The following ATRNL1 variants were observed in gnomAD, a reference collection of about 807,000 sequenced individuals.
ATRNL1 encodes attractin-like protein 1.
A neutral mutation model predicts 182.7 loss-of-function variants in ATRNL1; 95 were observed. The observed-to-expected ratio is 0.52, with a 90% CI of 0.44 to 0.62. The LOEUF (loss-of-function observed/expected upper bound fraction) is 0.62, where lower values mean the gene tolerates loss of function less well. Among genes scored for constraint, ATRNL1 ranks in the 20% least tolerant of loss-of-function variants. The pLI is 0.00. For synonymous variants in ATRNL1, 576 were observed against 568.3 expected (o/e 1.01, Z -0.19); for missense variants, 1,471 against 1,679.5 (o/e 0.88, Z 2.17).
chr10:115,654,464 C>T (rs1484530243), intron 26 of ATRNL1, among the ~76,000 whole-genome samples: 1 of 152,088 alleles, frequency 6.6e-6, no homozygotes, highest in Non-Finnish European at 1.5e-5. Context: ...GGTGATCCGC[C>T]CGCCTCAGCC....
chr10:115,765,589 G>T (rs782716742), intron 27 of ATRNL1, among the ~76,000 whole-genome samples: 14 of 152,094 alleles, frequency 9.2e-5, no homozygotes, highest in Non-Finnish European at 1.6e-4. Flanking sequence ...TCTGTAACTT[G>T]TCTTCTTACT....
intron 27 of ATRNL1, among the ~76,000 whole-genome samples, chr10:115,784,385 T>C (rs1371615102): frequency 6.6e-6 from 1 of 152,200 alleles, no homozygotes; most frequent in Non-Finnish European, 1.5e-5. Context: ...GATATAGGTA[T>C]GCCCAAGGTT....
At chr10:115,523,989 T>G (rs1300628940) in intron 25 of ATRNL1, among the ~76,000 whole-genome samples, 1 of 152,214 alleles carries the variant, frequency 6.6e-6, no homozygotes, top group African/African-American at 2.4e-5. Flanking sequence ...AGTATGGTGT[T>G]GGCATTTGCA....
intron 22 of ATRNL1, among the ~76,000 whole-genome samples, chr10:115,466,810 A>G (rs1184168337): frequency 6.6e-6 from 1 of 151,248 alleles, no homozygotes; most frequent in African/African-American, 2.4e-5. Context: ...GACTAATCCA[A>G]ACCTGTTTCA....
intron 27 of ATRNL1, among the ~76,000 whole-genome samples, chr10:115,815,750 G>A (rs1950149673): frequency 6.6e-6 from 1 of 152,108 alleles, no homozygotes; most frequent in African/African-American, 2.4e-5. Context: ...AGTGGCAGTA[G>A]TGGGAGAAGC....
chr10:115,279,213 A>T (rs150924538), intron 13 of ATRNL1, among the ~76,000 whole-genome samples: 13,326 of 149,174 alleles, frequency 0.089, 1,231 homozygotes, highest in African/African-American at 0.23. Context: ...AAAAAAAAAA[A>T]AATAATAATA....
At chr10:115,107,024 A>T (rs1235889067) in intron 1 of ATRNL1, among the ~76,000 whole-genome samples, 5 of 152,204 alleles carry the variant, frequency 3.3e-5, no homozygotes, top group Admixed American at 1.3e-4. Flanking sequence ...TCATCCTTTT[A>T]TAAGGAACCC....
At position 115,759,363 on chromosome 10, in the gene ATRNL1, C is replaced by T. The variant is rs1379587137; in HGVS notation, c.3903+32008C>T. On this transcript the variant is annotated intron_variant, in intron 27 of 28. Transcript: ENST00000355044. ...CTGGTGATCCATTGTTGTGGAGGGC[C>T]GATCTGTGAATGGTAGGATGTTTAG... Among the ~76,000 whole-genome samples, 9 of 152,148 alleles carry T rather than the reference C, an allele frequency of 5.9e-5. No individual in the cohort carries two copies. In the East Asian group the frequency reaches 9.7e-4, roughly 16 times the overall value.
intron 19 of ATRNL1, among the ~76,000 whole-genome samples, chr10:115,374,398 C>G (rs574940350): frequency 6.6e-6 from 1 of 151,396 alleles, no homozygotes; most frequent in African/African-American, 2.4e-5. Flanking sequence ...CTTCTGCTCA[C>G]TTTGGACTCA....
chr10:115,094,179 C>G (rs2084952499), intron 1 of ATRNL1, 136 bp downstream of exon 1: 1 of 956,098 alleles, frequency 1.0e-6, no homozygotes, highest in Non-Finnish European at 1.4e-6. Context: ...CAGCGCGCGG[C>G]GGGAGCGGGC....
At chr10:115,908,144 G>A (rs1555114979) in intron 28 of ATRNL1, among the ~76,000 whole-genome samples, 2 of 152,000 alleles carry the variant, frequency 1.3e-5, no homozygotes, top group Non-Finnish European at 2.9e-5. Flanking sequence ...AGAACCCTTC[G>A]GCTGCTTGCT....
At chr10:115,146,242 G>T (rs1845964868) in intron 5 of ATRNL1, among the ~76,000 whole-genome samples, 1 of 152,012 alleles carries the variant, frequency 6.6e-6, no homozygotes. Flanking sequence ...TAGTAGTATA[G>T]ATGAAATATA....
intron 26 of ATRNL1, among the ~76,000 whole-genome samples, chr10:115,601,069 C>A (rs868934079): frequency 2.0e-5 from 3 of 151,578 alleles, no homozygotes; most frequent in East Asian, 3.9e-4. Context: ...TGATATGTTG[C>A]ATTTTCATTT....
intron 28 of ATRNL1, among the ~76,000 whole-genome samples, chr10:115,878,013 G>A (rs1481753351): frequency 1.3e-5 from 2 of 152,164 alleles, no homozygotes; most frequent in East Asian, 1.9e-4. Flanking sequence ...CCAGATCAGA[G>A]GGGAGCAGCT....
chr10:115,837,019 G>GA (rs540733750), intron 27 of ATRNL1, among the ~76,000 whole-genome samples: 53 of 152,184 alleles, frequency 3.5e-4, no homozygotes, highest in Middle Eastern at 3.4e-3. Flanking sequence ...TAAAACCAGG[G>GA]AAAGGATCAT....
intron 17 of ATRNL1, among the ~76,000 whole-genome samples, chr10:115,313,798 T>G (rs1183689008): frequency 6.6e-6 from 1 of 152,184 alleles, no homozygotes; most frequent in African/African-American, 2.4e-5. Context: ...TACTTTCTCC[T>G]CACGTGATAT....
intron 19 of ATRNL1, among the ~76,000 whole-genome samples, chr10:115,358,608 T>C (rs1856604593): frequency 6.6e-6 from 1 of 151,660 alleles, no homozygotes; most frequent in African/African-American, 2.4e-5. Context: ...TTAATAAAGA[T>C]TTTAGTATAC....
chr10:115,124,530 G>A (rs550777152), intron 3 of ATRNL1, among the ~76,000 whole-genome samples: 1 of 152,196 alleles, frequency 6.6e-6, no homozygotes, highest in African/African-American at 2.4e-5. Flanking sequence ...TCATTATGTA[G>A]CCATGAGTGA....
chr10:115,419,146 G>A (rs1337647386), intron 20 of ATRNL1, among the ~76,000 whole-genome samples: 1 of 152,090 alleles, frequency 6.6e-6, no homozygotes, highest in African/African-American at 2.4e-5. Flanking sequence ...AGGATAATGA[G>A]TTAAAATGTA....
Sources: allele counts gnomAD v4.1 joint callset (sites outside exome capture counted in the v4.1 genomes callset), GRCh38; gene constraint gnomAD v4.1.1; transcripts MANE v1.5; gene names NCBI Gene and HGNC (gene_info 2026-07-23, HGNC 2026-07-21).